Variants in GABPB1 observed in about 807,000 individuals in gnomAD.
GABPB1 encodes GA-binding protein subunit beta-1.
GABPB1 carries 15 observed loss-of-function variants against 45.9 expected under a neutral mutation model. The ratio of observed to expected loss-of-function variants is 0.33; its 90% CI spans 0.22 to 0.50. The LOEUF (loss-of-function observed/expected upper bound fraction) is 0.50, where lower values mean the gene tolerates loss of function less well. Among genes scored for constraint, GABPB1 ranks in the 20% least tolerant of loss-of-function variants. The pLI, the probability that GABPB1 is intolerant of heterozygous loss-of-function variation, is 0.98. For synonymous variants in GABPB1, 143 were observed against 154.4 expected (o/e 0.93, Z 0.55); for missense variants, 252 against 457.5 (o/e 0.55, Z 4.10).
At chr15:50,299,781 G>A (rs772088815) in intron 6 of GABPB1, among the ~76,000 whole-genome samples, 1 of 151,870 alleles carries the variant, frequency 6.6e-6, no homozygotes, top group Non-Finnish European at 1.5e-5. Flanking sequence ...TAGTAGAGCT[G>A]CTAAAAATTA....
intron 2 of GABPB1, 114 bp from the exon 3 acceptor site, chr15:50,304,247 A>C: frequency 4.1e-6 from 3 of 723,744 alleles, no homozygotes; most frequent in Non-Finnish European, 6.1e-6. Context: ...CTCAAAACTC[A>C]AAAGAAATGC....
intron 1 of GABPB1, among the ~76,000 whole-genome samples, chr15:50,320,121 T>C (rs1431478151): frequency 6.6e-6 from 1 of 152,220 alleles, no homozygotes; most frequent in Admixed American, 6.5e-5. Flanking sequence ...TCATACTAAA[T>C]TGTTTGGCAA....
rs1168750410 is a variant in GABPB1, at chr15:50,322,011, T to C, written c.1-12213A>G. Among the ~76,000 whole-genome samples, 6 of 151,622 alleles carry C rather than the reference T, an allele frequency of 4.0e-5. No individual in the cohort carries two copies. The South Asian group carries it at 1.2e-3, about 31-fold the overall frequency. ...AAAAAAAAAAAAATCTGAGGTCAAT[T>C]CGGTTTTCTAGTCAAAAGAAAAAAT... On this transcript the variant is annotated intron_variant, in intron 1 of 8. Coordinates refer to ENST00000380877, the MANE Select transcript of GABPB1 (RefSeq NM_016654.5).
At chr15:50,348,093 T>C (rs1048586304) in intron 1 of GABPB1, among the ~76,000 whole-genome samples, 4 of 148,786 alleles carry the variant, frequency 2.7e-5, no homozygotes, top group South Asian at 2.1e-4. Flanking sequence ...AGTAAAAGTA[T>C]CTTATCCCTC....
chr15:50,301,403 A>G (rs201278565), intron 4 of GABPB1, 35 bp from the exon 5 acceptor site: 256 of 1,584,904 alleles, frequency 1.6e-4, no homozygotes, highest in Non-Finnish European at 2.1e-4. Context: ...TTTCAGAATT[A>G]TAACCAGAAC....
chr15:50,276,249 C>A lies in GABPB1; in HGVS notation c.*2383G>T, dbSNP rs1368449562. On this transcript the variant is annotated 3_prime_UTR_variant, in exon 9 of 9. Transcript: ENST00000380877. ...TCATATACTTTTATTTTTGTCAGTTCTTTAAATCCTCTGTTCAGAGCACTA... is the reference window on the plus strand; with the variant it reads ...TCATATACTTTTATTTTTGTCAGTTATTTAAATCCTCTGTTCAGAGCACTA... The A allele has an allele frequency of 1.3e-5, 2 of 152,152 alleles. No individual in the cohort carries two copies. The highest frequency in any genetic ancestry group is 2.9e-5 in the Non-Finnish European group (2 of 68,022). The allele number at this position is 152,152 out of a possible 1,614,324, so 9.4% of individuals were successfully genotyped here. A position where few individuals can be genotyped will look rare whatever the true frequency, so the allele number is the denominator to read the frequency against.
chr15:50,285,907 G>C, intron 8 of GABPB1, 161 bp downstream of exon 8: 1 of 1,377,666 alleles, frequency 7.3e-7, no homozygotes, highest in Non-Finnish European at 9.4e-7. Flanking sequence ...TATTTATTGA[G>C]GGCTTGCTAT....
intron 1 of GABPB1, chr15:50,346,246 G>T (rs1042729040): frequency 1.5e-4 from 23 of 152,144 alleles, no homozygotes; most frequent in African/African-American, 5.1e-4. Flanking sequence ...GAGTTAAAGA[G>T]GAAGAAGGAA....
chr15:50,284,663 G>A (rs1019899405), intron 8 of GABPB1, among the ~76,000 whole-genome samples: 7 of 152,024 alleles, frequency 4.6e-5, no homozygotes, highest in East Asian at 3.8e-4. Context: ...AATATAATCT[G>A]TTGAATTAAA....
chr15:50,313,087 A>G (rs1280652665), intron 1 of GABPB1, among the ~76,000 whole-genome samples: 1 of 152,214 alleles, frequency 6.6e-6, no homozygotes, highest in African/African-American at 2.4e-5. Flanking sequence ...GAAATGGCAA[A>G]GAAATATATT....
intron 1 of GABPB1, among the ~76,000 whole-genome samples, chr15:50,334,337 T>C (rs906515849): frequency 6.6e-6 from 1 of 152,128 alleles, no homozygotes; most frequent in African/African-American, 2.4e-5. Context: ...TCTCTTACAC[T>C]GTCTTCTATA....
chr15:50,310,719 C>T (rs544346598), intron 1 of GABPB1, among the ~76,000 whole-genome samples: 1 of 152,282 alleles, frequency 6.6e-6, no homozygotes, highest in Admixed American at 6.5e-5. Flanking sequence ...TGGCACATCC[C>T]TGTAATCCCA....
chr15:50,296,905 C>CTTTTT (rs72486745), intron 6 of GABPB1, among the ~76,000 whole-genome samples: 28 of 91,390 alleles, frequency 3.1e-4, no homozygotes, highest in Non-Finnish European at 4.5e-4. Flanking sequence ...TAACTTAATT[C>CTTTTT]TTTTTTTTTT....
intron 8 of GABPB1, among the ~76,000 whole-genome samples, chr15:50,282,560 G>GAAAAAAAAGAAAAA (rs2046014592): frequency 1.1e-5 from 1 of 88,992 alleles, no homozygotes; most frequent in Non-Finnish European, 2.3e-5. Context: ...CCTTAAAAAA[G>GAAAAAAAAGAAAAA]AAAAAAAAAA....
intron 1 of GABPB1, among the ~76,000 whole-genome samples, chr15:50,320,318 C>T (rs954543460): frequency 6.6e-6 from 1 of 152,210 alleles, no homozygotes; most frequent in Non-Finnish European, 1.5e-5. Context: ...CAGGCATGCA[C>T]CACCAGGCCC....
At chr15:50,307,751 T>C (rs1208189812) in intron 2 of GABPB1, among the ~76,000 whole-genome samples, 2 of 151,958 alleles carry the variant, frequency 1.3e-5, no homozygotes, top group Non-Finnish European at 2.9e-5. Context: ...AGCATCACTA[T>C]GATATATCTA....
intron 2 of GABPB1, among the ~76,000 whole-genome samples, chr15:50,309,261 C>G (rs910907073): frequency 6.6e-6 from 1 of 152,060 alleles, no homozygotes; most frequent in Non-Finnish European, 1.5e-5. Context: ...CTTCCTCTTT[C>G]GTCATGTCTG....
intron 8 of GABPB1, among the ~76,000 whole-genome samples, chr15:50,283,049 T>C (rs1000232892): frequency 3.9e-5 from 6 of 152,026 alleles, no homozygotes; most frequent in African/African-American, 1.2e-4. Flanking sequence ...GGACTCTATC[T>C]AAAAAAATAA....
In GABPB1 at chr15:50,295,778, A is replaced by AC. The variant is rs1254482048; in HGVS notation, c.697+5010dup. 4.0e-5 allele frequency among the ~76,000 whole-genome samples: 6 copies of AC among 151,840 alleles called. No individual in the cohort carries two copies. The East Asian group carries it at 5.8e-4, about 15-fold the overall frequency. ...CAACACATTCCCCTCCACCACACCCACCCCCAACTCCAGCTAAAAGTAATC... is the reference window on the plus strand; with the variant it reads ...CAACACATTCCCCTCCACCACACCCACCCCCCAACTCCAGCTAAAAGTAATC... On this transcript the variant is annotated intron_variant, in intron 6 of 8. Coordinates refer to ENST00000380877, the MANE Select transcript of GABPB1 (RefSeq NM_016654.5).
Sources: allele counts gnomAD v4.1 joint callset (sites outside exome capture counted in the v4.1 genomes callset), GRCh38; gene constraint gnomAD v4.1.1; transcripts MANE v1.5; gene names NCBI Gene and HGNC (gene_info 2026-07-23, HGNC 2026-07-21).